Variants in KIF18A observed in about 807,000 individuals in gnomAD.
KIF18A encodes the protein kinesin family member 18A.
Under a neutral mutation model 103.3 loss-of-function variants are expected in KIF18A, and 67 were observed. The observed-to-expected ratio is 0.65, with a 90% CI of 0.53 to 0.79. The LOEUF (loss-of-function observed/expected upper bound fraction) is 0.79. KIF18A is among the 30% of genes least tolerant of loss of function. The pLI, the probability that KIF18A is intolerant of heterozygous loss-of-function variation, is 0.00. For missense variants in KIF18A, 1,032 were observed against 1,062.5 expected (o/e 0.97, Z 0.40); for synonymous variants, 367 against 355.5 (o/e 1.03, Z -0.36).
chr11:28,091,330 A>G (rs1851301698), intron 4 of KIF18A, 79 bp downstream of exon 4: 3 of 672,002 alleles, frequency 4.5e-6, no homozygotes, highest in Non-Finnish European at 7.6e-6. Context: ...CAGGATGGAA[A>G]GTAAGTGCAT....
chr11:28,063,339 C>T (rs919432027), intron 11 of KIF18A, among the ~76,000 whole-genome samples: 5 of 152,040 alleles, frequency 3.3e-5, no homozygotes, highest in African/African-American at 9.7e-5. Flanking sequence ...CCAAATATTA[C>T]GTCTGTTCTC....
chr11:28,078,074 C>T (rs1297713072), intron 9 of KIF18A, among the ~76,000 whole-genome samples: 1 of 152,014 alleles, frequency 6.6e-6, no homozygotes, highest in Non-Finnish European at 1.5e-5. Context: ...ACATTCATAA[C>T]AGTGAAGACT....
intron 3 of KIF18A, among the ~76,000 whole-genome samples, chr11:28,093,227 G>A (rs1851326421): frequency 6.6e-6 from 1 of 152,092 alleles, no homozygotes; most frequent in Admixed American, 6.6e-5. Flanking sequence ...AATGAATGCT[G>A]GCACCCTCTT....
intron 1 of KIF18A, among the ~76,000 whole-genome samples, chr11:28,100,563 G>T (rs930231176): frequency 1.3e-5 from 2 of 150,570 alleles, no homozygotes; most frequent in Admixed American, 6.7e-5. Flanking sequence ...GTGAGTGAAG[G>T]GGGGGGGTGG....
intron 13 of KIF18A, among the ~76,000 whole-genome samples, chr11:28,052,094 C>T (rs758878561): frequency 6.6e-6 from 1 of 152,076 alleles, no homozygotes; most frequent in South Asian, 2.1e-4. Context: ...ATTTTAGAAT[C>T]TGACCACTTC....
rs766566295 is a variant in KIF18A, at chr11:28,097,923, A to C, written c.25T>G (p.Cys9Gly). 1.3e-6 allele frequency: 2 copies of C among 1,589,104 alleles called. No homozygotes were observed. The highest frequency in any genetic ancestry group is 8.6e-7 in the Non-Finnish European group (1 of 1,169,106). The change falls in exon 2 of 17, where the codon TGC becomes GGC. Residue 9 changes from cysteine (C) to glycine (G), a missense_variant. Coordinates refer to ENST00000263181, the MANE Select transcript of KIF18A (RefSeq NM_031217.4). The part of the protein sequence containing the change: MSVTEEDL[C>G]HHMKVVVRVR... ...CGAACTACTACTTTCATATGGTGGCACAGGTCTTCCTCAGTGACAGACATT... is the reference window on the plus strand; with the variant it reads ...CGAACTACTACTTTCATATGGTGGCCCAGGTCTTCCTCAGTGACAGACATT...
chr11:28,060,305 C>T (rs1334206661), intron 12 of KIF18A, among the ~76,000 whole-genome samples: 3 of 152,094 alleles, frequency 2.0e-5, no homozygotes, highest in East Asian at 3.9e-4. Context: ...CTCATAACAT[C>T]GAGGAGAAGA....
intron 11 of KIF18A, among the ~76,000 whole-genome samples, chr11:28,064,990 A>C (rs1850900287): frequency 6.6e-6 from 1 of 152,046 alleles, no homozygotes; most frequent in Non-Finnish European, 1.5e-5. Flanking sequence ...GCGTTTTAAA[A>C]ACTTGCTTTG....
At chr11:28,026,063 A>C (rs1387796645) in intron 15 of KIF18A, among the ~76,000 whole-genome samples, 1 of 151,900 alleles carries the variant, frequency 6.6e-6, no homozygotes, top group Admixed American at 6.6e-5. Context: ...AATATAATTG[A>C]GAAGTAAAAG....
chr11:28,050,309 G>A (rs151290491), intron 13 of KIF18A, among the ~76,000 whole-genome samples: 4 of 151,934 alleles, frequency 2.6e-5, no homozygotes, highest in African/African-American at 9.6e-5. Flanking sequence ...CAAACAAAAT[G>A]TATTTAGGGA....
At chr11:28,086,942 G>A (rs1215469722) in intron 6 of KIF18A, among the ~76,000 whole-genome samples, 1 of 151,570 alleles carries the variant, frequency 6.6e-6, no homozygotes, top group Admixed American at 6.6e-5. Flanking sequence ...TCTTGCTTTT[G>A]CAATCTTCAT....
chr11:28,091,818 CTTCTT>C (rs1343275374), intron 3 of KIF18A, among the ~76,000 whole-genome samples: 1 of 152,078 alleles, frequency 6.6e-6, no homozygotes, highest in East Asian at 1.9e-4. Context: ...AGTGCATTTT[CTTCTT>C]TTCTTTTTTT....
At chr11:28,057,028 C>CAT (rs1392618795) in intron 13 of KIF18A, 5 of 206,454 alleles carry the variant, frequency 2.4e-5, no homozygotes, top group South Asian at 2.4e-4. Context: ...TATTGCTCAA[C>CAT]ATATATATAA....
intron 13 of KIF18A, among the ~76,000 whole-genome samples, chr11:28,056,617 T>A (rs1215105152): frequency 6.6e-6 from 1 of 151,748 alleles, no homozygotes; most frequent in Admixed American, 6.6e-5. Context: ...AGGAACCCAC[T>A]TAAGAGAAGT....
Position 28,088,637 on chromosome 11 carries a change from A to C in KIF18A, c.784T>G (p.Ser262Ala). The change falls in exon 6 of 17, where the codon TCT becomes GCT. Residue 262 changes from serine to alanine, a missense_variant. Transcript: ENST00000263181. Reference protein sequence around the residue: ...AKMSLIDLAGSERASTSGAKG... With the variant: ...AKMSLIDLAGAERASTSGAKG... ...GCACCGGAAGTACTTGCTCGCTCAG[A>C]TCCTGCCAGGTCAATGAGTGACATC... 1 of 1,614,058 alleles carries C rather than the reference A, an allele frequency of 6.2e-7. No individual in the cohort carries two copies. The highest frequency in any genetic ancestry group is 1.7e-5 in the Admixed American group (1 of 60,016).
chr11:28,081,872 A>G (rs927502392), intron 9 of KIF18A, among the ~76,000 whole-genome samples: 37 of 152,130 alleles, frequency 2.4e-4, no homozygotes, highest in African/African-American at 8.7e-4. Context: ...AACATTTGTG[A>G]TATGTGTAAG....
intron 12 of KIF18A, among the ~76,000 whole-genome samples, 169 bp from the exon 13 acceptor site, chr11:28,059,330 G>A (rs1311137081): frequency 6.6e-6 from 1 of 152,118 alleles, no homozygotes; most frequent in African/African-American, 2.4e-5. Flanking sequence ...TATGACCTTG[G>A]ACAAGGCAAA....
chr11:28,070,506 G>C lies in KIF18A; in HGVS notation c.1426-1083C>G, dbSNP rs151201759. On this transcript the variant is annotated intron_variant, in intron 10 of 16. Transcript: ENST00000263181. ...GAGAAGCAGATTCCATTTCAGGCTA[G>C]AGTCATAGATAAGGGAAAAATAGTT... 2.4e-4 allele frequency among the ~76,000 whole-genome samples: 36 copies of C among 152,286 alleles called. No individual in the cohort carries two copies. The East Asian group carries it at 6.8e-3, about 29-fold the overall frequency.
intron 1 of KIF18A, among the ~76,000 whole-genome samples, chr11:28,105,526 C>A (rs1161307709): frequency 1.3e-5 from 2 of 152,114 alleles, no homozygotes; most frequent in Non-Finnish European, 2.9e-5. Context: ...ACGTCTATCA[C>A]CATTGATGCT....
Sources: gnomAD v4.1 joint callset for allele counts (sites outside exome capture counted in the v4.1 genomes callset) on GRCh38, gnomAD v4.1.1 for gene constraint, MANE v1.5 for transcripts, NCBI Gene and HGNC (gene_info 2026-07-23, HGNC 2026-07-21) for gene names.